The following CCDC7 variants were observed in gnomAD, a reference collection of about 807,000 sequenced individuals.
CCDC7 encodes coiled-coil domain containing 7.
A neutral mutation model predicts 196.9 loss-of-function variants in CCDC7; 183 were observed. The observed-to-expected ratio is 0.93, with a 90% CI of 0.82 to 1.05. The LOEUF is 1.05. CCDC7 is among the 50% of genes least tolerant of loss of function. The pLI, the probability that CCDC7 is intolerant of heterozygous loss-of-function variation, is 0.00. For synonymous variants in CCDC7, 525 were observed against 484.6 expected (o/e 1.08, Z -1.10); for missense variants, 1,540 against 1,482.2 (o/e 1.04, Z -0.64).
At chr10:32,792,630 A>G (rs530039399) in intron 29 of CCDC7, among the ~76,000 whole-genome samples, 2 of 152,234 alleles carry the variant, frequency 1.3e-5, no homozygotes, top group South Asian at 4.1e-4. Context: ...GTGAAACCCC[A>G]TCTCTACTAA....
intron 28 of CCDC7, among the ~76,000 whole-genome samples, chr10:32,765,902 G>GC (rs746938945): frequency 6.6e-6 from 1 of 152,016 alleles, no homozygotes; most frequent in Non-Finnish European, 1.5e-5. Flanking sequence ...TAGTGAAGAA[G>GC]CAGTTTTCTT....
intron 18 of CCDC7, among the ~76,000 whole-genome samples, chr10:32,610,885 G>A (rs550677796): frequency 3.3e-5 from 5 of 152,272 alleles, no homozygotes; most frequent in Admixed American, 3.3e-4. Context: ...ATAAACATAT[G>A]TGTGCATGCG....
intron 18 of CCDC7, among the ~76,000 whole-genome samples, chr10:32,592,787 A>T (rs1169654022): frequency 6.6e-6 from 1 of 152,106 alleles, no homozygotes; most frequent in African/African-American, 2.4e-5. Flanking sequence ...CCTGTGAGTG[A>T]GAACACGTGG....
intron 11 of CCDC7, among the ~76,000 whole-genome samples, chr10:32,521,618 T>C (rs2135599515): frequency 6.6e-6 from 1 of 151,028 alleles, no homozygotes; most frequent in Non-Finnish European, 1.5e-5. Flanking sequence ...TTTTTCCAAA[T>C]ATAAGATCAT....
At chr10:32,615,817 G>T (rs939487800) in intron 18 of CCDC7, among the ~76,000 whole-genome samples, 1 of 152,016 alleles carries the variant, frequency 6.6e-6, no homozygotes, top group Non-Finnish European at 1.5e-5. Flanking sequence ...GTTAGTTTAG[G>T]TCTTTAATCC....
intron 26 of CCDC7, among the ~76,000 whole-genome samples, chr10:32,727,471 C>T (rs2083293161): frequency 6.6e-6 from 1 of 152,076 alleles, no homozygotes; most frequent in South Asian, 2.1e-4. Context: ...GGCGACTGCA[C>T]ATCATCTCCA....
intron 8 of CCDC7, among the ~76,000 whole-genome samples, chr10:32,482,161 T>G (rs1048895187): frequency 8.6e-5 from 13 of 150,786 alleles, no homozygotes; most frequent in Admixed American, 4.0e-4. Context: ...GTCCCATAAA[T>G]CCTGTAGGCT....
intron 40 of CCDC7, among the ~76,000 whole-genome samples, chr10:32,853,160 T>G (rs766831188): frequency 1.5e-4 from 23 of 150,744 alleles, no homozygotes; most frequent in Non-Finnish European, 2.7e-4. Flanking sequence ...ATAATTTGGG[T>G]TTTTTTTTCT....
rs566192008 is a variant in CCDC7, at chr10:32,511,707, C to T, written c.873-6238C>T. ...GCTGACAAATACTCGTGAATTTCTACTGGATAGTCTTCATTAATTTCTTCA... is the reference window on the plus strand; with the variant it reads ...GCTGACAAATACTCGTGAATTTCTATTGGATAGTCTTCATTAATTTCTTCA... On this transcript the variant is annotated intron_variant, in intron 9 of 41. Coordinates refer to ENST00000639629, the Ensembl canonical transcript of CCDC7. The T allele has an allele frequency of 1.9e-6, 3 of 1,581,264 alleles. No homozygotes were observed. In the African/African-American group the frequency reaches 4.0e-5, roughly 21 times the overall value.
At chr10:32,851,810 A>G in exon 40 of CCDC7, 1 of 1,607,548 alleles carries the variant, frequency 6.2e-7, no homozygotes, top group Admixed American at 1.7e-5. Flanking sequence ...TTTCTAGAGG[A>G]AACTTATGAG....
intron 13 of CCDC7, among the ~76,000 whole-genome samples, chr10:32,549,782 T>G (rs1382360656): frequency 2.0e-5 from 3 of 152,190 alleles, no homozygotes; most frequent in Admixed American, 2.0e-4. Flanking sequence ...GTGCCTGTTT[T>G]TATACCAGTA....
intron 31 of CCDC7, among the ~76,000 whole-genome samples, chr10:32,816,204 C>T (rs1043673048): frequency 3.3e-5 from 5 of 152,170 alleles, no homozygotes; most frequent in East Asian, 1.9e-4. Context: ...GCGCATGGCT[C>T]GGAGGGTCCT....
chr10:32,668,203 T>G (rs973889283), intron 21 of CCDC7, among the ~76,000 whole-genome samples: 6 of 152,200 alleles, frequency 3.9e-5, no homozygotes, highest in Non-Finnish European at 5.9e-5. Flanking sequence ...TGCTTGTGAT[T>G]TTTGCACATT....
intron 14 of CCDC7, 150 bp from the exon 16 acceptor site, chr10:32,567,520 A>G (rs2057001782): frequency 3.6e-6 from 3 of 830,858 alleles, no homozygotes; most frequent in East Asian, 5.8e-5. Context: ...AGTATCAATT[A>G]TAGCAATAGC....
chr10:32,862,482 G>A (rs1456340618), intron 41 of CCDC7, among the ~76,000 whole-genome samples: 1 of 151,976 alleles, frequency 6.6e-6, no homozygotes, highest in South Asian at 2.1e-4. Context: ...GGGTTGATGG[G>A]TGCAGCAAAC....
chr10:32,641,424 T>G (rs1455124619), intron 20 of CCDC7, among the ~76,000 whole-genome samples: 1 of 152,228 alleles, frequency 6.6e-6, no homozygotes, highest in Non-Finnish European at 1.5e-5. Flanking sequence ...ACTGATACCC[T>G]TTCTTCTAGT....
intron 16 of CCDC7, among the ~76,000 whole-genome samples, chr10:32,579,534 CT>C (rs2058547407): frequency 6.6e-6 from 1 of 152,082 alleles, no homozygotes; most frequent in Non-Finnish European, 1.5e-5. Flanking sequence ...AAATAGTAGC[CT>C]TGTGTGTTTG....
chr10:32,801,523 ATAT>A (rs1329266542), intron 29 of CCDC7, among the ~76,000 whole-genome samples: 10 of 152,144 alleles, frequency 6.6e-5, no homozygotes, highest in Non-Finnish European at 1.2e-4. Flanking sequence ...TACACCCTTA[ATAT>A]TCATTCTCAT....
chr10:32,816,788 A>C (rs1302708932), intron 31 of CCDC7, among the ~76,000 whole-genome samples: 1 of 152,180 alleles, frequency 6.6e-6, no homozygotes, highest in Non-Finnish European at 1.5e-5. Context: ...GACTATTAGA[A>C]GGAAAACTAA....
Sources: allele counts gnomAD v4.1 joint callset (sites outside exome capture counted in the v4.1 genomes callset), GRCh38; gene constraint gnomAD v4.1.1; transcripts MANE v1.5; gene names NCBI Gene and HGNC (gene_info 2026-07-23, HGNC 2026-07-21).